Variants in RYK observed in about 807,000 individuals in gnomAD.
RYK encodes the protein receptor like tyrosine kinase.
A neutral mutation model predicts 70.2 loss-of-function variants in RYK; 21 were observed. That is an observed-to-expected ratio of 0.30 (90% CI 0.21 to 0.43). The LOEUF is 0.43. Ranked by LOEUF, RYK falls within the 20% of genes least tolerant of loss-of-function variation. The pLI, the probability that RYK is intolerant of heterozygous loss-of-function variation, is 1.00. For missense variants in RYK, 604 were observed against 753.3 expected (o/e 0.80, Z 2.32); for synonymous variants, 267 against 278.0 (o/e 0.96, Z 0.39).
chr3:134,175,585 C>T, intron 13 of RYK, 24 bp downstream of exon 13: 8 of 1,600,778 alleles, frequency 5.0e-6, no homozygotes, highest in Non-Finnish European at 6.8e-6. Context: ...TATTCTTTTG[C>T]TATCTGGGGG....
chr3:134,165,542 C>T (rs2012634944), intron 13 of RYK, among the ~76,000 whole-genome samples: 1 of 152,218 alleles, frequency 6.6e-6, no homozygotes, highest in Non-Finnish European at 1.5e-5. Flanking sequence ...GACATGCCTC[C>T]TCTTAGATGC....
chr3:134,196,079 C>A lies in RYK; in HGVS notation c.789-897G>T, dbSNP rs545063293. Among the ~76,000 whole-genome samples the A allele has an allele frequency of 4.6e-5, 7 of 152,284 alleles. No individual in the cohort carries two copies. In the South Asian group the frequency reaches 1.5e-3, roughly 32 times the overall value. ...AGTACTTGAAACACTACACCATATT[C>A]TCTAAATAATACAGGACACCAAGAA... On this transcript the variant is annotated intron_variant, in intron 6 of 14. Transcript: ENST00000623711.
At chr3:134,174,843 CG>C (rs368872656) in intron 13 of RYK, among the ~76,000 whole-genome samples, 172 of 151,652 alleles carry the variant, frequency 1.1e-3, no homozygotes, top group African/African-American at 4.0e-3. Context: ...AAGAGGATGA[CG>C]GGGGGATTTA....
chr3:134,170,838 C>A, intron 13 of RYK: 1 of 154,828 alleles, frequency 6.5e-6, no homozygotes, highest in South Asian at 1.8e-4. Flanking sequence ...AATTCAGACC[C>A]TGGCATCTCT....
chr3:134,230,379 C>T (rs746350214), intron 1 of RYK, among the ~76,000 whole-genome samples: 2 of 152,198 alleles, frequency 1.3e-5, no homozygotes, highest in Non-Finnish European at 2.9e-5. Context: ...CCATGCCTGG[C>T]CATGTTCACA....
intron 1 of RYK, among the ~76,000 whole-genome samples, chr3:134,231,736 C>G (rs1314151744): frequency 6.6e-6 from 1 of 152,168 alleles, no homozygotes; most frequent in East Asian, 1.9e-4. Flanking sequence ...GGACACTGCC[C>G]TGGATCGCCA....
chr3:134,226,497 G>A (rs1245874132), intron 1 of RYK, among the ~76,000 whole-genome samples: 1 of 152,012 alleles, frequency 6.6e-6, no homozygotes, highest in Admixed American at 6.5e-5. Context: ...CATCTGATGA[G>A]GCCAGCAGCA....
Position 134,161,966 on chromosome 3 carries a change from G to A in RYK, c.1576-2593C>T, listed in dbSNP as rs1358940137. Among the ~76,000 whole-genome samples, 19 of 152,242 alleles carry A rather than the reference G, an allele frequency of 1.2e-4. No homozygotes were observed. The East Asian group carries it at 2.7e-3, about 22-fold the overall frequency. ...TGTGTCAGCGTGGCTGTGCTTCCCC[G>A]GAAACCTGTAGGGGGAATCTTTCCT... On this transcript the variant is annotated intron_variant, in intron 13 of 14. Coordinates refer to ENST00000623711, the MANE Select transcript of RYK (RefSeq NM_002958.4).
chr3:134,241,109 G>GA (rs1402187756), intron 1 of RYK, among the ~76,000 whole-genome samples: 47 of 144,200 alleles, frequency 3.3e-4, no homozygotes, highest in Non-Finnish European at 5.9e-4. Context: ...GTGGGGGAGG[G>GA]AAATCACTTG....
At chr3:134,173,279 C>CA (rs370721110) in intron 13 of RYK, among the ~76,000 whole-genome samples, 197 of 125,722 alleles carry the variant, frequency 1.6e-3, no homozygotes, top group East Asian at 5.8e-3. Context: ...GACTCTGTCT[C>CA]AAAAAAAAAA....
chr3:134,159,963 T>C (rs2012398134), intron 13 of RYK, among the ~76,000 whole-genome samples: 1 of 152,170 alleles, frequency 6.6e-6, no homozygotes, highest in African/African-American at 2.4e-5. Flanking sequence ...TTCGGGGCTC[T>C]CCATTTTGGC....
chr3:134,174,694 G>C (rs569741011), intron 13 of RYK, among the ~76,000 whole-genome samples: 1 of 152,168 alleles, frequency 6.6e-6, no homozygotes, highest in African/African-American at 2.4e-5. Context: ...TTCCAAATAA[G>C]ACTAAGAAAT....
At chr3:134,204,523 T>C (rs1267518688) in intron 5 of RYK, among the ~76,000 whole-genome samples, 1 of 149,600 alleles carries the variant, frequency 6.7e-6, no homozygotes, top group African/African-American at 2.5e-5. Flanking sequence ...AATAAATAAA[T>C]ATATAAATAA....
intron 4 of RYK, among the ~76,000 whole-genome samples, chr3:134,209,071 C>G (rs2014310646): frequency 6.6e-6 from 1 of 152,142 alleles, no homozygotes; most frequent in Admixed American, 6.5e-5. Flanking sequence ...ACCTAGCATG[C>G]TGGAACTCTT....
chr3:134,190,325 T>C (rs939193423), intron 8 of RYK, among the ~76,000 whole-genome samples: 1 of 152,182 alleles, frequency 6.6e-6, no homozygotes, highest in Non-Finnish European at 1.5e-5. Flanking sequence ...CAAAACCTCC[T>C]GTCTCCTCTT....
At chr3:134,215,670 TAC>T (rs1449944985) in intron 2 of RYK, among the ~76,000 whole-genome samples, 2 of 152,204 alleles carry the variant, frequency 1.3e-5, no homozygotes, top group Non-Finnish European at 2.9e-5. Flanking sequence ...AAGTTAAATG[TAC>T]AGTCTACTGG....
chr3:134,231,316 T>G (rs766210835), intron 1 of RYK, among the ~76,000 whole-genome samples: 52 of 152,130 alleles, frequency 3.4e-4, no homozygotes, highest in Non-Finnish European at 6.8e-4. Context: ...CGGGTGGATA[T>G]AGCCAATTCC....
chr3:134,211,698 G>C, intron 2 of RYK, 91 bp from the exon 3 acceptor site: 1 of 778,286 alleles, frequency 1.3e-6, no homozygotes, highest in Non-Finnish European at 2.2e-6. Flanking sequence ...ATTAATCAAT[G>C]GATGAGCCTT....
chr3:134,225,863 TAAAAAGATCAAAAAAA>T (rs1489675004), intron 1 of RYK, among the ~76,000 whole-genome samples: 1 of 110,518 alleles, frequency 9.0e-6, no homozygotes, highest in African/African-American at 3.0e-5. Context: ...CTTTAAAAAA[TAAAAAGATCAAAAAAA>T]AAAAAGATCA....
Sources: gnomAD v4.1 joint callset for allele counts (sites outside exome capture counted in the v4.1 genomes callset) on GRCh38, gnomAD v4.1.1 for gene constraint, MANE v1.5 for transcripts, NCBI Gene and HGNC (gene_info 2026-07-23, HGNC 2026-07-21) for gene names.